PDLIM3: variants seen among roughly 807,000 people sequenced by gnomAD.
PDLIM3 encodes PDZ and LIM domain protein 3.
PDLIM3 carries 36 observed loss-of-function variants against 37.3 expected under a neutral mutation model. The observed-to-expected ratio is 0.97, with a 90% CI of 0.74 to 1.28. PDLIM3 has a LOEUF of 1.28. Among genes scored for constraint, PDLIM3 ranks in the 50% most tolerant of loss-of-function variants. The pLI is 0.00. For synonymous variants in PDLIM3, 174 were observed against 182.4 expected, an observed-to-expected ratio of 0.95 and a Z score of 0.37; for missense variants, 454 against 485.0, an observed-to-expected ratio of 0.94 and a Z score of 0.60.
chr4:185,520,087 A>G (rs1305022796), intron 3 of PDLIM3, among the ~76,000 whole-genome samples: 1 of 152,240 alleles, frequency 6.6e-6, no homozygotes, highest in Non-Finnish European at 1.5e-5. Context: ...TCAGTCCACA[A>G]GTGAAACTCA....
intron 4 of PDLIM3, chr4:185,512,093 C>CTTTTTTTT (rs34062194): frequency 8.2e-6 from 1 of 122,276 alleles, no homozygotes; most frequent in Non-Finnish European, 1.6e-5. Flanking sequence ...TCTTATAATT[C>CTTTTTTTT]TTTTTTTTTT....
Position 185,514,284 on chromosome 4 carries a change from G to GGTT in PDLIM3, c.383_384insAAC (p.Ile128_Pro129insThr). 6.2e-7 allele frequency: 1 copy of GGTT among 1,614,214 alleles called. No homozygotes were observed. Among genetic ancestry groups the GGTT allele is most frequent in the Non-Finnish European group, 8.5e-7 (1 of 1,180,044 alleles). On this transcript the variant is annotated inframe_insertion, in exon 4 of 8. Transcript: ENST00000284767. This position sits in a 1 kb window ranked among gnomAD's most constrained non-coding sequence, Gnocchi z 4.0. The stretch of plus-strand genomic sequence containing the variant: ...GCGCTTATGACCTGCTTCGGCCCGG[G>GGTT]ATCACGAAAGGTTTGGGCCGAATAT...
chr4:185,523,061 G>T, intron 3 of PDLIM3: 1 of 320,282 alleles, frequency 3.1e-6, no homozygotes, highest in East Asian at 6.9e-5. Context: ...TTACCTCACG[G>T]TCATTTCACA....
intron 3 of PDLIM3, chr4:185,516,964 T>C (rs1050983534): frequency 5.9e-5 from 9 of 152,236 alleles, no homozygotes; most frequent in Non-Finnish European, 1.0e-4. Flanking sequence ...AAGGAGTTGA[T>C]TAACATTATT....
chr4:185,502,583 C>G (rs1485934719), intron 7 of PDLIM3, 100 bp from the exon 8 acceptor site: 3 of 997,456 alleles, frequency 3.0e-6, no homozygotes, highest in Admixed American at 4.3e-5. Context: ...CTCTATTTCA[C>G]AGTCAGGAAA....
At chr4:185,523,245 C>A (rs565934872) in intron 3 of PDLIM3, 117 bp downstream of exon 3, 2 of 697,276 alleles carry the variant, frequency 2.9e-6, no homozygotes, top group South Asian at 1.6e-5. Flanking sequence ...GAATGACAGA[C>A]AACAGCTTCA....
rs537271050 is a variant in PDLIM3 at position 185,504,761 on chromosome 4, T to C, written c.794-175A>G. On this transcript the variant is annotated intron_variant, in intron 6 of 7. Coordinates refer to ENST00000284767, the MANE Select transcript of PDLIM3 (RefSeq NM_014476.6). This position sits in a 1 kb window ranked among gnomAD's most constrained non-coding sequence, Gnocchi z 4.7. The stretch of plus-strand genomic sequence containing the variant: ...TGTTCTGAAATAGGGCATTATAGAA[T>C]GGAATTAGTGAAAACATTTATTTTG... 8.2e-4 allele frequency among the ~76,000 whole-genome samples: 125 copies of C among 152,298 alleles called. 1 individual carries two copies. The highest frequency in any genetic ancestry group is 4.3e-3 in the South Asian group (21 of 4,830).
At chr4:185,510,345 TAG>T (rs1341200192) in intron 4 of PDLIM3, among the ~76,000 whole-genome samples, 1 of 152,190 alleles carries the variant, frequency 6.6e-6, no homozygotes, top group Non-Finnish European at 1.5e-5. Context: ...CCGTACTGGG[TAG>T]ATAAACAATG....
intron 3 of PDLIM3, among the ~76,000 whole-genome samples, chr4:185,519,273 G>A (rs2095719219): frequency 6.6e-6 from 1 of 152,232 alleles, no homozygotes; most frequent in Admixed American, 6.5e-5. Context: ...TTTGATGATA[G>A]CATGGAAAAA....
chr4:185,523,209 G>C (rs1269517988), intron 3 of PDLIM3, 153 bp downstream of exon 3: 17 of 611,718 alleles, frequency 2.8e-5, no homozygotes, highest in Non-Finnish European at 4.7e-5. Flanking sequence ...AAGAAAACAC[G>C]GATAATATAA....
intron 1 of PDLIM3, among the ~76,000 whole-genome samples, chr4:185,529,667 A>C (rs936032937): frequency 1.3e-5 from 2 of 152,240 alleles, no homozygotes; most frequent in Non-Finnish European, 2.9e-5. Context: ...GGCTGTGTTC[A>C]GAAGTCACAT....
chr4:185,532,770 T>C (rs946797365), intron 1 of PDLIM3, among the ~76,000 whole-genome samples: 2 of 152,046 alleles, frequency 1.3e-5, no homozygotes, highest in Non-Finnish European at 2.9e-5. Flanking sequence ...AAAGGAGCAA[T>C]TTGGCATTTT....
rs1000708897 is a variant in PDLIM3, at chr4:185,514,782, T to C, written c.331-445A>G. Reference sequence around the variant, plus strand: ...ATATTGCTAGTTGAATAGAGCCCAATTGGCGAGTTATAGGAAGCGCTCACT... The same window carrying C: ...ATATTGCTAGTTGAATAGAGCCCAACTGGCGAGTTATAGGAAGCGCTCACT... On this transcript the variant is annotated intron_variant, in intron 3 of 7. Coordinates refer to ENST00000284767, the MANE Select transcript of PDLIM3 (RefSeq NM_014476.6). This position sits in a 1 kb window ranked among gnomAD's most constrained non-coding sequence, Gnocchi z 4.0. 1.4e-5 allele frequency: 22 copies of C among 1,551,838 alleles called. No homozygotes were observed. Among genetic ancestry groups the C allele is most frequent in the East Asian group, 4.9e-5 (2 of 40,942 alleles).
At position 185,501,856 on chromosome 4, in the gene PDLIM3, TAATA is replaced by T. The variant is rs2095687560; in HGVS notation, c.*434_*437del. 1 of 235,490 alleles carries T rather than the reference TAATA, an allele frequency of 4.2e-6. No individual in the cohort carries two copies. The highest frequency in any genetic ancestry group is 8.4e-6 in the Non-Finnish European group (1 of 118,406). 14.6% of individuals were successfully genotyped at this position (235,490 alleles called of 1,614,324 possible). A position where few individuals can be genotyped will look rare whatever the true frequency, so the allele number is the denominator to read the frequency against. On this transcript the variant is annotated 3_prime_UTR_variant, in exon 8 of 8. Transcript: ENST00000284767. ...GGGAATTTCTCCCTAACATGCACTGTAATAGTTAAAACACATACAGACAACTGCA... is the reference window on the plus strand; with the variant it reads ...GGGAATTTCTCCCTAACATGCACTGTGTTAAAACACATACAGACAACTGCA...
rs2095701798 is a variant in PDLIM3 at position 185,508,573 on chromosome 4, G to A, written c.399-11C>T. On this transcript the variant is annotated splice_polypyrimidine_tract_variant and intron_variant, in intron 4 of 7. Transcript: ENST00000284767. Reference sequence around the variant, plus strand: ...GGAGTGCTGCATCCACTGTGTTAATGGATACACGTTACACAGAGATGGCAC... The same window carrying A: ...GGAGTGCTGCATCCACTGTGTTAATAGATACACGTTACACAGAGATGGCAC... The A allele has an allele frequency of 1.2e-6, 2 of 1,613,262 alleles. No individual in the cohort carries two copies. The highest frequency in any genetic ancestry group is 2.2e-5 in the East Asian group (1 of 44,902).
intron 4 of PDLIM3, chr4:185,511,995 T>TGAA (rs1428056527): frequency 6.6e-6 from 1 of 152,084 alleles, no homozygotes; most frequent in African/African-American, 2.4e-5. Context: ...TCCACCTTGA[T>TGAA]GAAGAATAGT....
intron 4 of PDLIM3, chr4:185,512,077 G>A (rs1404631818): frequency 1.3e-5 from 2 of 149,276 alleles, no homozygotes; most frequent in Non-Finnish European, 3.0e-5. Context: ...AGGATGTTGG[G>A]GGCACTCTTA....
chr4:185,514,745 A>C lies in PDLIM3; in HGVS notation c.331-408T>G, dbSNP rs1302113136. The C allele has an allele frequency of 6.4e-7, 1 of 1,552,202 alleles. No homozygotes were observed. Among genetic ancestry groups the C allele is most frequent in the Admixed American group, 2.0e-5 (1 of 51,016 alleles). On this transcript the variant is annotated intron_variant, in intron 3 of 7. Transcript: ENST00000284767. This position sits in a 1 kb window ranked among gnomAD's most constrained non-coding sequence, Gnocchi z 4.0. Reference sequence around the variant, plus strand: ...AATGAGACCCCGCAGCTGTCCGTGAAGCGCATCTTGTATATTGCTAGTTGA... The same window carrying C: ...AATGAGACCCCGCAGCTGTCCGTGACGCGCATCTTGTATATTGCTAGTTGA...
intron 1 of PDLIM3, among the ~76,000 whole-genome samples, chr4:185,533,053 A>G (rs2095747437): frequency 6.6e-6 from 1 of 152,150 alleles, no homozygotes; most frequent in South Asian, 2.1e-4. Context: ...GCTTGTGATC[A>G]TCGGCGGGTT....
Sources: gnomAD v4.1 joint callset for allele counts (sites outside exome capture counted in the v4.1 genomes callset) on GRCh38, gnomAD v4.1.1 for gene constraint, Gnocchi (gnomAD v3.1) non-coding constraint, MANE v1.5 for transcripts, NCBI Gene and HGNC (gene_info 2026-07-23, HGNC 2026-07-21) for gene names.